Variants in TANC2 observed in about 807,000 individuals in gnomAD.
TANC2 encodes the protein tetratricopeptide repeat, ankyrin repeat and coiled-coil containing 2, also known as protein TANC2.
In TANC2, 26 loss-of-function variants were observed where a neutral mutation model predicts 210.5. The observed-to-expected ratio is 0.12, with a 90% CI of 0.09 to 0.17. The LOEUF (loss-of-function observed/expected upper bound fraction) is 0.17, where lower values mean the gene tolerates loss of function less well. Among genes scored for constraint, TANC2 ranks in the 10% least tolerant of loss-of-function variants. TANC2 has a pLI of 1.00. For missense variants in TANC2, 2,129 were observed against 2,608.9 expected, an observed-to-expected ratio of 0.82 and a Z score of 4.01; for synonymous variants, 931 against 967.1, an observed-to-expected ratio of 0.96 and a Z score of 0.69.
chr17:63,420,474 T>G lies in TANC2; in HGVS notation c.4744T>G (p.Tyr1582Asp). ...TTCTCCAACTCATCAGAACTCACAT[T>G]ACAGGCCTAGCCCACCACACACTTC... The change falls in exon 28 of 28, where the codon TAC (tyrosine) becomes GAC (aspartate). Residue 1582 changes from tyrosine (Y) to aspartate (D), a missense_variant. Physicochemically the swap from Tyr to Asp is radical, Grantham distance 160. Around this residue, in one of 5 missense-constraint regions of TANC2, gnomAD observed 584 missense variants for 627.3 expected, o/e 0.93. Transcript: ENST00000689528. This position sits in a 1 kb window ranked among gnomAD's most constrained non-coding sequence, Gnocchi z 4.2. 1.2e-6 allele frequency: 2 copies of G among 1,613,950 alleles called. No individual in the cohort carries two copies.
intron 2 of TANC2, among the ~76,000 whole-genome samples, chr17:63,019,098 T>G (rs2034239917): frequency 6.6e-6 from 1 of 152,218 alleles, no homozygotes; most frequent in African/African-American, 2.4e-5. Flanking sequence ...TAATTGCATG[T>G]TAATTTATAA....
At chr17:63,085,105 C>T (rs2036910899) in intron 3 of TANC2, among the ~76,000 whole-genome samples, 1 of 152,106 alleles carries the variant, frequency 6.6e-6, no homozygotes, top group African/African-American at 2.4e-5. Context: ...GTATATTCCT[C>T]TATTTATCCG....
At chr17:63,145,600 T>C (rs899634242) in intron 4 of TANC2, among the ~76,000 whole-genome samples, 1 of 152,142 alleles carries the variant, frequency 6.6e-6, no homozygotes, top group Non-Finnish European at 1.5e-5. Context: ...TGACGTAAGA[T>C]AAGGATCTAA....
At chr17:63,125,257 A>C (rs1480508894) in intron 4 of TANC2, 2 of 152,198 alleles carry the variant, frequency 1.3e-5, no homozygotes, top group African/African-American at 4.8e-5. Context: ...AATTAAAGGA[A>C]TTTTTACAGG....
At chr17:63,376,010 G>T (rs1385709293) in intron 14 of TANC2, among the ~76,000 whole-genome samples, 1 of 151,834 alleles carries the variant, frequency 6.6e-6, no homozygotes, top group Non-Finnish European at 1.5e-5. Flanking sequence ...TTGCTTGAAC[G>T]TGGGAAGTGG....
intron 11 of TANC2, chr17:63,332,091 C>A: frequency 2.9e-6 from 1 of 341,306 alleles, no homozygotes; most frequent in South Asian, 2.8e-5. Context: ...TTCATCCTCC[C>A]CTGTTACCGA....
chr17:63,266,049 A>G (rs979571285), intron 8 of TANC2, among the ~76,000 whole-genome samples: 1 of 152,144 alleles, frequency 6.6e-6, no homozygotes, highest in Non-Finnish European at 1.5e-5. Flanking sequence ...GCTAATAACA[A>G]GAGTTATGCA....
At chr17:63,047,924 A>G (rs1169462139) in intron 2 of TANC2, among the ~76,000 whole-genome samples, 2 of 152,210 alleles carry the variant, frequency 1.3e-5, no homozygotes, top group African/African-American at 4.8e-5. Context: ...ATAAGTGGAT[A>G]GCTGTGAAGA....
Position 63,182,667 on chromosome 17 carries a change from A to G in TANC2, c.434-11324A>G, listed in dbSNP as rs896746542. ...TTTGATACACAATTTGCTTCATTCA[A>G]TCATGAGGTCATGGAGGCCTCACTT... On this transcript the variant is annotated intron_variant, in intron 5 of 27. Transcript: ENST00000689528. The G allele has an allele frequency of 8.6e-5, 14 of 162,684 alleles. 1 individual carries two copies. Among genetic ancestry groups the G allele is most frequent in the Admixed American group, 5.2e-4 (8 of 15,470 alleles). 10.1% of individuals were successfully genotyped at this position (162,684 alleles called of 1,614,324 possible).
intron 9 of TANC2, among the ~76,000 whole-genome samples, chr17:63,312,065 TAA>T (rs2045143719): frequency 6.6e-6 from 1 of 152,214 alleles, no homozygotes; most frequent in Admixed American, 6.5e-5. Flanking sequence ...TTGTATATTT[TAA>T]AAGAGTGAAT....
intron 11 of TANC2, among the ~76,000 whole-genome samples, chr17:63,334,831 A>G (rs558011435): frequency 6.6e-6 from 1 of 152,360 alleles, no homozygotes; most frequent in East Asian, 1.9e-4. Flanking sequence ...GGTTTGATTG[A>G]ATAGTCCTGC....
At chr17:63,271,055 T>C (rs2043686783) in intron 9 of TANC2, among the ~76,000 whole-genome samples, 1 of 152,192 alleles carries the variant, frequency 6.6e-6, no homozygotes. Flanking sequence ...ATTTTGTTTA[T>C]CCAGTCTACC....
chr17:63,389,382 A>C, exon 17 of TANC2: 1 of 1,613,950 alleles, frequency 6.2e-7, no homozygotes. Flanking sequence ...CTCCAATTCT[A>C]TGTGTTCAGT....
intron 5 of TANC2, 85 bp from the exon 6 acceptor site, chr17:63,193,906 T>A: frequency 7.3e-7 from 1 of 1,366,024 alleles, no homozygotes; most frequent in South Asian, 1.9e-5. Context: ...ACTAAAGAAA[T>A]GACCAAAGTG....
At position 63,349,864 on chromosome 17, in the gene TANC2, C is replaced by T. The variant is rs180948503; in HGVS notation, c.1808-1386C>T. Among the ~76,000 whole-genome samples, 3 of 152,262 alleles carry T rather than the reference C, an allele frequency of 2.0e-5. No homozygotes were observed. The East Asian group carries it at 5.8e-4, about 29-fold the overall frequency. On this transcript the variant is annotated intron_variant, in intron 12 of 27. Coordinates refer to ENST00000689528, the Ensembl canonical transcript of TANC2. ...AGCAACTCCTCTTTCTTCCTTAATACTTTGCACTCCCTGAAGGAATTTCAT... is the reference window on the plus strand; with the variant it reads ...AGCAACTCCTCTTTCTTCCTTAATATTTTGCACTCCCTGAAGGAATTTCAT...
chr17:62,980,323 G>T (rs2032237975), intron 1 of TANC2, among the ~76,000 whole-genome samples: 1 of 152,056 alleles, frequency 6.6e-6, no homozygotes, highest in South Asian at 2.1e-4. Context: ...GTGATTTCAG[G>T]ATCCATACAG....
chr17:63,092,938 GT>G (rs1422125846), intron 3 of TANC2, among the ~76,000 whole-genome samples: 1 of 152,158 alleles, frequency 6.6e-6, no homozygotes, highest in Non-Finnish European at 1.5e-5. Context: ...AAATTGGGTA[GT>G]TTGCATTCTT....
intron 1 of TANC2, among the ~76,000 whole-genome samples, chr17:62,981,168 TTA>T (rs1344904283): frequency 6.6e-6 from 1 of 152,204 alleles, no homozygotes; most frequent in Non-Finnish European, 1.5e-5. Context: ...GCTTAGATGA[TTA>T]TATCTTTCCC....
At chr17:63,389,678 A>T in intron 17 of TANC2, 134 bp downstream of exon 17, 1 of 900,748 alleles carries the variant, frequency 1.1e-6, no homozygotes, top group East Asian at 2.6e-5. Flanking sequence ...GATCAGAGAG[A>T]GTGCTGGTTC....
Sources: allele counts gnomAD v4.1 joint callset (sites outside exome capture counted in the v4.1 genomes callset), GRCh38; gene constraint gnomAD v4.1.1; regional missense constraint gnomAD v4.1.1; non-coding constraint Gnocchi (gnomAD v3.1); transcripts MANE v1.5; gene names NCBI Gene and HGNC (gene_info 2026-07-23, HGNC 2026-07-21).